Variants in EPHB6 observed in about 807,000 individuals in gnomAD.
EPHB6 encodes EPH receptor B6.
Under a neutral mutation model 107.0 loss-of-function variants are expected in EPHB6, and 51 were observed. The observed-to-expected ratio is 0.48, with a 90% CI of 0.38 to 0.60. The LOEUF is 0.60. Among genes scored for constraint, EPHB6 ranks in the 20% least tolerant of loss-of-function variants. The probability of loss-of-function intolerance (pLI) is 0.00; values close to 1 mark genes in which losing one functional copy is unlikely to be tolerated. For missense variants in EPHB6, 1,141 were observed against 1,355.5 expected (o/e 0.84, Z 2.48); for synonymous variants, 553 against 549.0 (o/e 1.01, Z -0.10).
Position 142,868,804 on chromosome 7 carries a change from CCTGT to C in EPHB6, c.2286+66_2286+69del. The C allele has an allele frequency of 6.2e-7, 1 of 1,612,658 alleles. No individual in the cohort carries two copies. The highest frequency in any genetic ancestry group is 8.5e-7 in the Non-Finnish European group (1 of 1,179,818). On this transcript the variant is annotated intron_variant, in intron 15 of 19. Transcript: ENST00000652003. The surrounding 1 kb of genome is among the most constrained non-coding windows in gnomAD (Gnocchi z 4.2). ...CAGGAAAGCTTCCAGGAGACGAGGT[CCTGT>C]ATCTTTGCTTCTTACCACCCCACCT...
rs368195078 is a variant in EPHB6, at chr7:142,868,531, G to A, written c.2078G>A (p.Arg693Gln). 1.5e-4 allele frequency: 234 copies of A among 1,613,638 alleles called. No homozygotes were observed. Among genetic ancestry groups the A allele is most frequent in the Non-Finnish European group, 1.9e-4 (222 of 1,180,026 alleles). Residue 693 changes from arginine (R) to glutamine (Q), a missense_variant, in exon 15 of 20, where the codon CGG (arginine) becomes CAG (glutamine). Physicochemically the swap from Arg to Gln is conservative, Grantham distance 43. Around this residue, in one of 3 missense-constraint regions of EPHB6, gnomAD observed 616 missense variants for 759.3 expected, o/e 0.81. Coordinates refer to ENST00000652003, the MANE Select transcript of EPHB6 (RefSeq NM_004445.6). This position sits in a 1 kb window ranked among gnomAD's most constrained non-coding sequence, Gnocchi z 4.2. ...GEVRQGRLQPRGRREQTVAIQ... is the reference protein window; with the variant it reads ...GEVRQGRLQPQGRREQTVAIQ... ...GTGCGCCAGGGCCGCCTGCAGCCAC[G>A]GGGACGGAGGGAGCAGACTGTGGCC... is the stretch of plus-strand genomic sequence containing the variant.
rs34611896 is a variant in EPHB6, at chr7:142,864,647, C to G, written c.847C>G (p.Pro283Ala). The G allele has an allele frequency of 2.1e-4, 335 of 1,612,668 alleles. No homozygotes were observed. Among genetic ancestry groups the G allele is most frequent in the Admixed American group, 7.2e-4 (43 of 60,010 alleles). ...AGGGGGCCAGGCAGGAGGCAGCCCC[C>G]CCAGGCTGCACTGCAACGGGGAGGG... ...GVGGQAGGSPPRLHCNGEGKW... is the reference protein window; with the variant it reads ...GVGGQAGGSPARLHCNGEGKW... Residue 283 changes from proline (P) to alanine (A), a missense_variant, in exon 7 of 20, where the codon CCC (proline) becomes GCC (alanine). By Grantham distance (27) the Pro-to-Ala change is conservative. Around this residue, in one of 3 missense-constraint regions of EPHB6, gnomAD observed 304 missense variants for 295.7 expected, o/e 1.03. Coordinates refer to ENST00000652003, the MANE Select transcript of EPHB6 (RefSeq NM_004445.6).
rs566361647 is a variant in EPHB6 at position 142,858,543 on chromosome 7, C to G, written c.-431-2509C>G. On this transcript the variant is annotated intron_variant, in intron 1 of 19. Transcript: ENST00000652003. ...CTCTGCCTCCCGGGTTCACGCCATT[C>G]TCCTGCCTCAGCCTCCCCAGCAGCT... 4.8e-5 allele frequency among the ~76,000 whole-genome samples: 7 copies of G among 145,976 alleles called. No individual in the cohort carries two copies. The South Asian group carries it at 1.5e-3, about 32-fold the overall frequency.
At position 142,869,690 on chromosome 7, in the gene EPHB6, G is replaced by C. The variant is rs1794805578; in HGVS notation, c.2461-127G>C. On this transcript the variant is annotated intron_variant, in intron 16 of 19. Transcript: ENST00000652003. This position sits in a 1 kb window ranked among gnomAD's most constrained non-coding sequence, Gnocchi z 4.5. ...GGAGATGATATCATCCACCTTAGAGGGTTGTTATGAGGATTAAATGAGATG... is the reference window on the plus strand; with the variant it reads ...GGAGATGATATCATCCACCTTAGAGCGTTGTTATGAGGATTAAATGAGATG... 2 of 1,104,072 alleles carry C rather than the reference G, an allele frequency of 1.8e-6. No homozygotes were observed. The highest frequency in any genetic ancestry group is 2.7e-5 in the South Asian group (2 of 74,562). The allele number at this position is 1,104,072 out of a possible 1,614,324, so 68.4% of individuals were successfully genotyped here.
chr7:142,865,994 G>T lies in EPHB6; in HGVS notation c.1140G>T (p.Glu380Asp). ...PPSAPQELWFEVQGSALMLHW... is the reference protein window; with the variant it reads ...PPSAPQELWFDVQGSALMLHW... ...CGGCTCCCCAGGAGCTTTGGTTTGAGGTGCAAGGCTCAGCACTCATGCTAC... is the reference window on the plus strand; with the variant it reads ...CGGCTCCCCAGGAGCTTTGGTTTGATGTGCAAGGCTCAGCACTCATGCTAC... The change falls in exon 9 of 20, where the codon GAG (glutamate) becomes GAT (aspartate). Residue 380 changes from glutamate (E) to aspartate (D), a missense_variant. Glu to Asp is a conservative substitution (Grantham distance 45). Around this residue, in one of 3 missense-constraint regions of EPHB6, gnomAD observed 304 missense variants for 295.7 expected, o/e 1.03. Coordinates refer to ENST00000652003, the MANE Select transcript of EPHB6 (RefSeq NM_004445.6). 1 of 1,613,982 alleles carries T rather than the reference G, an allele frequency of 6.2e-7. No individual in the cohort carries two copies. Among genetic ancestry groups the T allele is most frequent in the Middle Eastern group, 1.6e-4 (1 of 6,062 alleles).
chr7:142,865,404 G>C (rs538674570), intron 7 of EPHB6, 71 bp from the exon 8 acceptor site: 1 of 1,597,908 alleles, frequency 6.3e-7, no homozygotes, highest in African/African-American at 1.3e-5. Context: ...ATACCTGCCT[G>C]CTGTGTGTTG....
rs1216964858 is a variant in EPHB6 at position 142,866,712 on chromosome 7, A to G, written c.1587+107A>G. 1.2e-6 allele frequency: 2 copies of G among 1,601,126 alleles called. No homozygotes were observed. The highest frequency in any genetic ancestry group is 1.7e-5 in the Admixed American group (1 of 59,862). On this transcript the variant is annotated intron_variant, in intron 10 of 19. Transcript: ENST00000652003. This position sits in a 1 kb window ranked among gnomAD's most constrained non-coding sequence, Gnocchi z 5.2. ...GCACAGGAGGAATGAGGGGTCCGCAACAGGGCTGGCAGGAGCTCACAGTCC... is the reference window on the plus strand; with the variant it reads ...GCACAGGAGGAATGAGGGGTCCGCAGCAGGGCTGGCAGGAGCTCACAGTCC...
chr7:142,863,994 A>G lies in EPHB6; in HGVS notation c.194A>G (p.Gln65Arg), dbSNP rs1563338558. Reference sequence around the variant, plus strand: ...GACGAGGTGAGTGTTCTGGACGACCAGCGACGCCTGACTCGGACCTTTGAG... The same window carrying G: ...GACGAGGTGAGTGTTCTGGACGACCGGCGACGCCTGACTCGGACCTTTGAG... ...GWDEVSVLDD[Q>R]RRLTRTFEAC... is the part of the protein sequence containing the mutation. Residue 65 changes from glutamine (Q) to arginine (R), a missense_variant, in exon 7 of 20, where the codon CAG becomes CGG. Physicochemically the swap from Gln to Arg is conservative, Grantham distance 43. Coordinates refer to ENST00000652003, the MANE Select transcript of EPHB6 (RefSeq NM_004445.6). The G allele has an allele frequency of 1.2e-6, 2 of 1,614,166 alleles. No homozygotes were observed. Among genetic ancestry groups the G allele is most frequent in the Non-Finnish European group, 8.5e-7 (1 of 1,180,022 alleles).
rs1563349862 is a variant in EPHB6 at position 142,870,423 on chromosome 7, C to A, written c.2804+16C>A. 6 of 1,613,932 alleles carry A rather than the reference C, an allele frequency of 3.7e-6. No homozygotes were observed. The highest frequency in any genetic ancestry group is 4.2e-6 in the Non-Finnish European group (5 of 1,179,958). ...CAGGGGAAAGGTCTGGAGCTTGGGG[C>A]TAGAGCCTGGGAAAGCCAGGGAGGG... On this transcript the variant is annotated intron_variant, in intron 18 of 19. Coordinates refer to ENST00000652003, the MANE Select transcript of EPHB6 (RefSeq NM_004445.6).
chr7:142,863,872 T>C, intron 6 of EPHB6, 94 bp from the exon 7 acceptor site: 1 of 1,564,576 alleles, frequency 6.4e-7, no homozygotes, highest in Non-Finnish European at 8.8e-7. Flanking sequence ...TAATTTTAAG[T>C]CTCAGTGGAA....
In EPHB6 at chr7:142,865,609, C is replaced by G. The variant is rs1803113476; in HGVS notation, c.1084C>G (p.Pro362Ala). The change falls in exon 8 of 20, where the codon CCA (proline) becomes GCA (alanine). Residue 362 changes from proline to alanine, a missense_variant. Physicochemically the swap from Pro to Ala is conservative, Grantham distance 27. Coordinates refer to ENST00000652003, the MANE Select transcript of EPHB6 (RefSeq NM_004445.6). ...LEGFYRASSD[P>A]PEAPCTGPPS... ...GGGCTTCTACCGGGCCAGTTCCGACCCACCAGAGGCCCCCTGCACTGGTGA... is the reference window on the plus strand; with the variant it reads ...GGGCTTCTACCGGGCCAGTTCCGACGCACCAGAGGCCCCCTGCACTGGTGA... 1 of 1,613,576 alleles carries G rather than the reference C, an allele frequency of 6.2e-7. No homozygotes were observed. Among genetic ancestry groups the G allele is most frequent in the Admixed American group, 1.7e-5 (1 of 60,018 alleles).
chr7:142,863,558 G>A (rs1802952869), intron 5 of EPHB6, 73 bp from the exon 6 acceptor site: 3 of 1,544,512 alleles, frequency 1.9e-6, no homozygotes, highest in African/African-American at 1.4e-5. Flanking sequence ...TTTGTTCGCG[G>A]TGGGAATAGA....
rs1802908117 is a variant in EPHB6, at chr7:142,862,853, AC to A, written c.-102+23del. The stretch of plus-strand genomic sequence containing the variant: ...AAAAGGGTAAGATTGACCCAGAAAC[AC>A]CCTCTGCCCCACTTCTAGGAAGGAG... On this transcript the variant is annotated intron_variant, in intron 4 of 19. Transcript: ENST00000652003. 1 of 232,828 alleles carries A rather than the reference AC, an allele frequency of 4.3e-6. No homozygotes were observed. Among genetic ancestry groups the A allele is most frequent in the South Asian group, 1.5e-4 (1 of 6,792 alleles). 14.4% of individuals were successfully genotyped at this position (232,828 alleles called of 1,614,324 possible). A position where few individuals can be genotyped will look rare whatever the true frequency, so the allele number is the denominator to read the frequency against.
rs750180709 is a variant in EPHB6 at position 142,868,754 on chromosome 7, G to C, written c.2286+15G>C. ...GCTTCCTCAGGGTCAGTCCAGCCTG[G>C]GTGAAGGAGGAGGGTCCTTGGGTCC... is the stretch of plus-strand genomic sequence containing the variant. On this transcript the variant is annotated intron_variant, in intron 15 of 19. Transcript: ENST00000652003. The surrounding 1 kb of genome is among the most constrained non-coding windows in gnomAD (Gnocchi z 4.2). 1.2e-6 allele frequency: 2 copies of C among 1,613,816 alleles called. No homozygotes were observed. Among genetic ancestry groups the C allele is most frequent in the Non-Finnish European group, 1.7e-6 (2 of 1,180,026 alleles).
rs2116434663 is a variant in EPHB6, at chr7:142,865,475, C to T, written c.950C>T (p.Ala317Val). ...QPARGDKACQACPRGLYKASA... is the reference protein window; with the variant it reads ...QPARGDKACQVCPRGLYKASA... ...CCCCCACTCTCCTCTGCCTCCTCAG[C>T]CTGCCCACGGGGGCTCTATAAGGCT... Residue 317 changes from alanine (A) to valine (V), a missense_variant and splice_region_variant, in exon 8 of 20, where the codon GCC becomes GTC. This residue lies in a region of EPHB6 where 304 missense variants were observed against 295.7 expected (regional missense o/e 1.03). Coordinates refer to ENST00000652003, the MANE Select transcript of EPHB6 (RefSeq NM_004445.6). The T allele has an allele frequency of 6.2e-7, 1 of 1,613,246 alleles. No homozygotes were observed. Among genetic ancestry groups the T allele is most frequent in the Non-Finnish European group, 8.5e-7 (1 of 1,180,006 alleles).
rs61732974 is a variant in EPHB6 at position 142,864,215 on chromosome 7, G to A, written c.415G>A (p.Asp139Asn). Residue 139 changes from aspartate (D) to asparagine (N), a missense_variant, in exon 7 of 20, where the codon GAC becomes AAC. Asp to Asn is a conservative substitution (Grantham distance 23). Coordinates refer to ENST00000652003, the MANE Select transcript of EPHB6 (RefSeq NM_004445.6). The stretch of plus-strand genomic sequence containing the variant: ...TTACTACCGTCAGGCTGAGGAGCCC[G>A]ACAGCCCTGACAGCGTTTCCTCCTG... The part of the protein sequence containing the change: ...TLYYRQAEEP[D>N]SPDSVSSWHL... 5.0e-6 allele frequency: 8 copies of A among 1,613,826 alleles called. No individual in the cohort carries two copies. The highest frequency in any genetic ancestry group is 2.2e-5 in the East Asian group (1 of 44,866).
rs775320635 is a variant in EPHB6, at chr7:142,864,163, C to A, written c.363C>A (p.Gly121=). The A allele has an allele frequency of 6.2e-7, 1 of 1,613,862 alleles. No individual in the cohort carries two copies. Among genetic ancestry groups the A allele is most frequent in the Non-Finnish European group, 8.5e-7 (1 of 1,180,032 alleles). ...CATGCTCCAGCCTGGGTGTGAGCGG[C>A]GGCACCTGCCGGGAGACCTTCACCC... The part of the protein sequence containing the change: ...VRACSSLGVS[G]GTCRETFTLY... Residue 121 remains glycine, a synonymous_variant, in exon 7 of 20, where the codon GGC becomes GGA. Coordinates refer to ENST00000652003, the MANE Select transcript of EPHB6 (RefSeq NM_004445.6).
At chr7:142,864,840 T>G in intron 7 of EPHB6, 91 bp downstream of exon 7, 1 of 1,500,302 alleles carries the variant, frequency 6.7e-7, no homozygotes, top group Non-Finnish European at 9.2e-7. Flanking sequence ...ATTCATTTTA[T>G]CTGCAAAAGG....
At chr7:142,865,740 C>A in intron 8 of EPHB6, 110 bp downstream of exon 8, 1 of 1,484,544 alleles carries the variant, frequency 6.7e-7, no homozygotes, top group Non-Finnish European at 9.1e-7. Flanking sequence ...CTTGTTTTTC[C>A]CCTATTTTCT....
Sources: allele counts gnomAD v4.1 joint callset (sites outside exome capture counted in the v4.1 genomes callset), GRCh38; gene constraint gnomAD v4.1.1; regional missense constraint gnomAD v4.1.1; non-coding constraint Gnocchi (gnomAD v3.1); transcripts MANE v1.5; gene names NCBI Gene and HGNC (gene_info 2026-07-23, HGNC 2026-07-21).